EYS: variants seen among roughly 807,000 people sequenced by gnomAD.
EYS encodes the protein EGF-like photoreceptor maintenance factor.
Under a neutral mutation model 282.1 loss-of-function variants are expected in EYS, and 250 were observed. That is an observed-to-expected ratio of 0.89 (90% CI 0.80 to 0.98). The LOEUF (loss-of-function observed/expected upper bound fraction) is 0.98, where lower values mean the gene tolerates loss of function less well. Ranked by LOEUF, EYS falls within the 50% of genes least tolerant of loss-of-function variation. The pLI is 0.00. For synonymous variants in EYS, 1,355 were observed against 1,282.9 expected (o/e 1.06, Z -1.20); for missense variants, 4,016 against 3,709.0 (o/e 1.08, Z -2.15).
chr6:64,129,534 T>C, intron 31 of EYS, among the ~76,000 whole-genome samples: 1 of 152,210 alleles, frequency 6.6e-6, no homozygotes, highest in East Asian at 1.9e-4. Flanking sequence ...ATATTAGCCC[T>C]TTGTCAGATG....
chr6:64,529,838 G>A (rs1056981218), intron 26 of EYS, among the ~76,000 whole-genome samples: 8 of 138,794 alleles, frequency 5.8e-5, no homozygotes, highest in Non-Finnish European at 9.8e-5. Context: ...TTAAAATAAA[G>A]TTTTGAAATG....
chr6:64,902,337 A>C, intron 17 of EYS, 67 bp downstream of exon 17: 1 of 1,322,352 alleles, frequency 7.6e-7, no homozygotes, highest in Non-Finnish European at 1.0e-6. Context: ...TCACCAATTA[A>C]AATTCTATAC....
Position 65,249,067 on chromosome 6 carries a change from GA to G in EYS, c.2023+46795del, listed in dbSNP as rs530669573. ...AATGTGTCCTATAAAACTGACAAGT[GA>G]AAAAAAAAAAACAAAACTCAAACCA... On this transcript the variant is annotated intron_variant, in intron 12 of 42. Coordinates refer to ENST00000503581, the MANE Select transcript of EYS (RefSeq NM_001142800.2). 6.7e-3 allele frequency among the ~76,000 whole-genome samples: 818 copies of G among 122,050 alleles called. 10 individuals carry two copies. The highest frequency in any genetic ancestry group is 0.021 in the African/African-American group (698 of 33,596). The allele number at this position is 122,050 out of a possible 152,430, so 80.1% of individuals were successfully genotyped here. A position where few individuals can be genotyped will look rare whatever the true frequency, so the allele number is the denominator to read the frequency against.
chr6:64,329,129 A>G (rs1321186328), intron 29 of EYS, among the ~76,000 whole-genome samples: 1 of 152,150 alleles, frequency 6.6e-6, no homozygotes, highest in Admixed American at 6.5e-5. Context: ...CAATGGAGGT[A>G]GGAGGCTGGA....
chr6:65,111,162 T>G (rs1451832687), intron 12 of EYS, among the ~76,000 whole-genome samples: 1 of 152,144 alleles, frequency 6.6e-6, no homozygotes, highest in Non-Finnish European at 1.5e-5. Context: ...GGAATGAGTT[T>G]TATTTAGCCA....
intron 22 of EYS, among the ~76,000 whole-genome samples, chr6:64,694,970 G>A (rs146187382): frequency 6.6e-6 from 1 of 152,088 alleles, no homozygotes; most frequent in Non-Finnish European, 1.5e-5. Flanking sequence ...ACTACCACCT[G>A]CTAGTCTCTG....
intron 15 of EYS, 114 bp downstream of exon 15, chr6:64,945,679 T>A (rs899347020): frequency 1.0e-6 from 1 of 993,176 alleles, no homozygotes; most frequent in Non-Finnish European, 1.4e-6. Flanking sequence ...TCTTCATTGC[T>A]GGATGGTTAT....
At chr6:64,569,021 G>GAAAA (rs1224261240) in intron 26 of EYS, among the ~76,000 whole-genome samples, 1 of 17,550 alleles carries the variant, frequency 5.7e-5, no homozygotes, top group African/African-American at 5.4e-4. Context: ...CACAAAGATG[G>GAAAA]AAAAGAAAAA....
At chr6:64,583,238 G>A (rs1323438700) in intron 26 of EYS, among the ~76,000 whole-genome samples, 1 of 152,028 alleles carries the variant, frequency 6.6e-6, no homozygotes, top group South Asian at 2.1e-4. Flanking sequence ...TTCCTTATTT[G>A]TTGGTTTATA....
intron 35 of EYS, among the ~76,000 whole-genome samples, chr6:63,974,873 G>T (rs773670312): frequency 4.6e-5 from 7 of 151,974 alleles, no homozygotes. Context: ...TACACTCAAG[G>T]ATGGCAGTAA....
At chr6:65,004,369 A>T (rs1424447638) in intron 13 of EYS, among the ~76,000 whole-genome samples, 2 of 147,496 alleles carry the variant, frequency 1.4e-5, no homozygotes, top group African/African-American at 4.9e-5. Context: ...TCAGTAAATA[A>T]TCATGGTTAT....
chr6:64,271,389 A>G (rs751680397), intron 30 of EYS, among the ~76,000 whole-genome samples: 33 of 152,274 alleles, frequency 2.2e-4, no homozygotes, highest in Admixed American at 5.9e-4. Context: ...TATGTTACAA[A>G]TATGTCCTAC....
intron 5 of EYS, among the ~76,000 whole-genome samples, chr6:65,459,976 A>T (rs1485614688): frequency 1.3e-5 from 1 of 76,112 alleles, no homozygotes; most frequent in Non-Finnish European, 2.3e-5. Flanking sequence ...TTTTATATAT[A>T]TATATATATA....
chr6:64,240,108 T>C (rs75137621), intron 30 of EYS, among the ~76,000 whole-genome samples: 46,969 of 151,454 alleles, frequency 0.31, 7,141 homozygotes, highest in East Asian at 0.51. Context: ...GTTCCATTGG[T>C]CTATATCTCT....
At chr6:64,190,061 A>G (rs1315470279) in intron 31 of EYS, among the ~76,000 whole-genome samples, 1 of 152,336 alleles carries the variant, frequency 6.6e-6, no homozygotes, top group Non-Finnish European at 1.5e-5. Context: ...CATCAACAAG[A>G]TAAACTTTCT....
At chr6:64,381,254 C>A (rs1386074913) in intron 29 of EYS, among the ~76,000 whole-genome samples, 1 of 152,074 alleles carries the variant, frequency 6.6e-6, no homozygotes, top group Non-Finnish European at 1.5e-5. Context: ...GTGATACCTG[C>A]TTTGAGCCTT....
In EYS at chr6:64,838,640, A is replaced by ACACACACG. The variant is rs1765463315; in HGVS notation, c.2993-15819_2993-15818insCGTGTGTG. ...TCTACACACACACACACACACACAC[A>ACACACACG]CACGCATGCACGCACACACAGAGCT... On this transcript the variant is annotated intron_variant, in intron 19 of 42. Coordinates refer to ENST00000503581, the MANE Select transcript of EYS (RefSeq NM_001142800.2). Among the ~76,000 whole-genome samples, 3 of 150,970 alleles carry ACACACACG rather than the reference A, an allele frequency of 2.0e-5. No homozygotes were observed. The Admixed American group carries it at 2.0e-4, about 10-fold the overall frequency.
chr6:64,847,919 C>T (rs567512854), intron 19 of EYS, among the ~76,000 whole-genome samples: 20 of 152,104 alleles, frequency 1.3e-4, no homozygotes, highest in Admixed American at 7.9e-4. Flanking sequence ...ATATTTTGGG[C>T]GCTTCCTTCC....
chr6:63,838,279 T>C (rs1248179429), intron 36 of EYS, among the ~76,000 whole-genome samples: 1 of 152,040 alleles, frequency 6.6e-6, no homozygotes, highest in Non-Finnish European at 1.5e-5. Context: ...TGTTAAAAGC[T>C]GGAAGTGATG....
Sources: gnomAD v4.1 joint callset for allele counts (sites outside exome capture counted in the v4.1 genomes callset) on GRCh38, gnomAD v4.1.1 for gene constraint, MANE v1.5 for transcripts, NCBI Gene and HGNC (gene_info 2026-07-23, HGNC 2026-07-21) for gene names.